Variants in TBC1D4 observed in about 807,000 individuals in gnomAD.
TBC1D4 encodes TBC (Tre-2, BUB2, CDC16) domain-containing protein.
A neutral mutation model predicts 142.5 loss-of-function variants in TBC1D4; 121 were observed. The observed-to-expected ratio is 0.85, with a 90% CI of 0.73 to 0.99. The LOEUF (loss-of-function observed/expected upper bound fraction) is 0.99. Ranked by LOEUF, TBC1D4 falls within the 50% of genes least tolerant of loss-of-function variation. The probability of loss-of-function intolerance (pLI) is 0.00; values close to 1 mark genes in which losing one functional copy is unlikely to be tolerated. For synonymous variants in TBC1D4, 630 were observed against 628.2 expected, an observed-to-expected ratio of 1.00 and a Z score of -0.04; for missense variants, 1,475 against 1,606.6, an observed-to-expected ratio of 0.92 and a Z score of 1.40.
At chr13:75,392,837 C>G (rs867007048) in intron 1 of TBC1D4, among the ~76,000 whole-genome samples, 2 of 151,952 alleles carry the variant, frequency 1.3e-5, no homozygotes, top group Non-Finnish European at 2.9e-5. Flanking sequence ...GATAGGGTCT[C>G]GATATATTGC....
At chr13:75,417,597 G>A (rs1207248304) in intron 1 of TBC1D4, among the ~76,000 whole-genome samples, 1 of 152,198 alleles carries the variant, frequency 6.6e-6, no homozygotes, top group African/African-American at 2.4e-5. Flanking sequence ...ATGGAGAACA[G>A]GGGCACATAC....
At chr13:75,300,941 C>T (rs1876473155) in intron 16 of TBC1D4, among the ~76,000 whole-genome samples, 1 of 152,200 alleles carries the variant, frequency 6.6e-6, no homozygotes, top group South Asian at 2.1e-4. Flanking sequence ...AGCACAAAAA[C>T]TCATTTTCAG....
chr13:75,473,133 G>A (rs1270637472), intron 1 of TBC1D4, among the ~76,000 whole-genome samples: 1 of 152,100 alleles, frequency 6.6e-6, no homozygotes, highest in Non-Finnish European at 1.5e-5. Flanking sequence ...GGGTAGCTGG[G>A]ATTACAGGCA....
chr13:75,480,508 T>C (rs1431065713), intron 1 of TBC1D4, among the ~76,000 whole-genome samples: 2 of 152,090 alleles, frequency 1.3e-5, no homozygotes, highest in African/African-American at 4.8e-5. Flanking sequence ...TGTTTGGTAA[T>C]TAGATTTAGA....
chr13:75,393,303 C>A (rs569320979), intron 1 of TBC1D4, among the ~76,000 whole-genome samples: 30 of 152,224 alleles, frequency 2.0e-4, no homozygotes, highest in Middle Eastern at 3.4e-3. Context: ...TTCTCCCAGG[C>A]TGGTCTCTGG....
intron 1 of TBC1D4, among the ~76,000 whole-genome samples, chr13:75,369,331 A>G (rs1254398955): frequency 6.6e-6 from 1 of 152,110 alleles, no homozygotes. Flanking sequence ...CCGTCTCTAC[A>G]AAAAATTTAA....
chr13:75,348,400 C>T (rs906292526), intron 5 of TBC1D4, among the ~76,000 whole-genome samples: 3 of 152,208 alleles, frequency 2.0e-5, no homozygotes, highest in African/African-American at 7.2e-5. Flanking sequence ...CCACTCTAGA[C>T]TGTAAGCTTC....
At chr13:75,366,845 C>A (rs1882940400) in intron 1 of TBC1D4, 1 of 631,294 alleles carries the variant, frequency 1.6e-6, no homozygotes, top group African/African-American at 2.0e-5. Context: ...CTACCAAACA[C>A]TGATGTTCAA....
At chr13:75,424,370 T>G (rs374901751) in intron 1 of TBC1D4, among the ~76,000 whole-genome samples, 23 of 152,226 alleles carry the variant, frequency 1.5e-4, no homozygotes, top group East Asian at 1.4e-3. Context: ...TCAAAATCTT[T>G]TATTAATATT....
chr13:75,360,253 C>T (rs1484488501), intron 2 of TBC1D4, among the ~76,000 whole-genome samples: 1 of 152,060 alleles, frequency 6.6e-6, no homozygotes, highest in Non-Finnish European at 1.5e-5. Flanking sequence ...TGTAATTGGG[C>T]TAATGAATTA....
chr13:75,314,117 A>G (rs1393060115), intron 12 of TBC1D4, among the ~76,000 whole-genome samples: 7 of 152,230 alleles, frequency 4.6e-5, no homozygotes, highest in Non-Finnish European at 1.0e-4. Flanking sequence ...GGTATGACTC[A>G]AAATCATTTT....
At chr13:75,398,084 G>C (rs1355570078) in intron 1 of TBC1D4, among the ~76,000 whole-genome samples, 1 of 152,188 alleles carries the variant, frequency 6.6e-6, no homozygotes, top group Non-Finnish European at 1.5e-5. Context: ...CCAGGTGTTT[G>C]AGCCACTCAG....
intron 1 of TBC1D4, among the ~76,000 whole-genome samples, chr13:75,462,787 C>T (rs899363744): frequency 2.0e-5 from 3 of 152,202 alleles, no homozygotes; most frequent in Middle Eastern, 3.4e-3. Context: ...CTTGGAGCCA[C>T]GACCCTCCTT....
intron 14 of TBC1D4, 88 bp downstream of exon 14, chr13:75,309,854 G>C (rs529991036): frequency 7.6e-7 from 1 of 1,320,996 alleles, no homozygotes; most frequent in Non-Finnish European, 1.1e-6. Flanking sequence ...AACTGAGTGC[G>C]GATAGTATGT....
intron 1 of TBC1D4, among the ~76,000 whole-genome samples, chr13:75,464,541 ACT>A (rs1475122262): frequency 2.6e-5 from 4 of 152,036 alleles, no homozygotes; most frequent in African/African-American, 9.7e-5. Context: ...TGTGGGTAAA[ACT>A]CTGTTCAGGG....
chr13:75,417,930 C>A (rs769536368), intron 1 of TBC1D4, among the ~76,000 whole-genome samples: 2 of 152,212 alleles, frequency 1.3e-5, no homozygotes, highest in East Asian at 3.9e-4. Context: ...CATTTGTCAA[C>A]GTGGTAATGA....
chr13:75,461,563 T>C (rs528191691), intron 1 of TBC1D4, among the ~76,000 whole-genome samples: 2 of 152,358 alleles, frequency 1.3e-5, no homozygotes, highest in South Asian at 4.1e-4. Context: ...ATGAAGCCAC[T>C]GAAAGCAATG....
At chr13:75,396,435 T>C (rs1884798812) in intron 1 of TBC1D4, among the ~76,000 whole-genome samples, 1 of 152,222 alleles carries the variant, frequency 6.6e-6, no homozygotes, top group Admixed American at 6.5e-5. Context: ...TCCAACTTTA[T>C]CTCACCAGGG....
chr13:75,348,938 GTA>G (rs1491361727), intron 5 of TBC1D4, among the ~76,000 whole-genome samples: 21 of 139,694 alleles, frequency 1.5e-4, no homozygotes, highest in African/African-American at 5.7e-4. Context: ...AGGAGAGAGA[GTA>G]GAGAGAGAGA....
Sources: gnomAD v4.1 joint callset for allele counts (sites outside exome capture counted in the v4.1 genomes callset) on GRCh38, gnomAD v4.1.1 for gene constraint, MANE v1.5 for transcripts, NCBI Gene and HGNC (gene_info 2026-07-23, HGNC 2026-07-21) for gene names.